ADAM23: variants seen among roughly 807,000 people sequenced by gnomAD.
ADAM23 encodes the protein disintegrin and metalloproteinase domain-containing protein 23.
Under a neutral mutation model 120.1 loss-of-function variants are expected in ADAM23, and 33 were observed. That is an observed-to-expected ratio of 0.27 (90% CI 0.21 to 0.37). The LOEUF is 0.37. ADAM23 is among the 10% of genes least tolerant of loss of function. ADAM23 has a pLI of 1.00. For synonymous variants in ADAM23, 367 were observed against 375.2 expected (o/e 0.98, Z 0.25); for missense variants, 862 against 1,058.2 (o/e 0.81, Z 2.57).
At position 206,508,727 on chromosome 2, in the gene ADAM23, A is replaced by G. The variant is rs543435250; in HGVS notation, c.510-22158A>G. 2.0e-4 allele frequency among the ~76,000 whole-genome samples: 31 copies of G among 152,246 alleles called. No homozygotes were observed. In the South Asian group the frequency reaches 3.1e-3, roughly 15 times the overall value. On this transcript the variant is annotated intron_variant, in intron 3 of 25. Transcript: ENST00000264377. ...GCTTAGTAAAGCCCCCTGCTTTTCA[A>G]ATATCACCTAATGAAGCTAAACATA...
intron 4 of ADAM23, among the ~76,000 whole-genome samples, 175 bp from the exon 5 acceptor site, chr2:206,541,877 A>C (rs1239376175): frequency 6.6e-6 from 1 of 152,224 alleles, no homozygotes; most frequent in Non-Finnish European, 1.5e-5. Context: ...CTTGTTATAA[A>C]AAAGTTGAAA....
At chr2:206,444,545 G>A (rs1008079907) in intron 1 of ADAM23, among the ~76,000 whole-genome samples, 8 of 152,102 alleles carry the variant, frequency 5.3e-5, no homozygotes, top group African/African-American at 1.9e-4. Context: ...CACACTTCGG[G>A]GACCAAAGAA....
intron 3 of ADAM23, among the ~76,000 whole-genome samples, chr2:206,516,849 CTA>C (rs752982155): frequency 4.6e-5 from 7 of 152,030 alleles, no homozygotes; most frequent in Non-Finnish European, 8.8e-5. Flanking sequence ...GGCACCCAAC[CTA>C]CCCTTGTTTG....
chr2:206,460,920 A>G (rs1695403943), intron 2 of ADAM23, among the ~76,000 whole-genome samples: 1 of 152,210 alleles, frequency 6.6e-6, no homozygotes, highest in South Asian at 2.1e-4. Flanking sequence ...TAAATGGTGT[A>G]GGTTAGGAAC....
intron 2 of ADAM23, among the ~76,000 whole-genome samples, chr2:206,469,574 C>T (rs1216515079): frequency 6.6e-6 from 1 of 152,186 alleles, no homozygotes; most frequent in Non-Finnish European, 1.5e-5. Context: ...ACAATAGCTT[C>T]CAGTGAATTT....
chr2:206,603,763 C>T (rs1464905843), intron 24 of ADAM23, among the ~76,000 whole-genome samples: 1 of 152,140 alleles, frequency 6.6e-6, no homozygotes, highest in Non-Finnish European at 1.5e-5. Context: ...ATAGCAAAGA[C>T]AAAAGTCTTT....
At chr2:206,573,773 G>A (rs913588271) in intron 18 of ADAM23, among the ~76,000 whole-genome samples, 6 of 151,944 alleles carry the variant, frequency 3.9e-5, no homozygotes, top group African/African-American at 1.2e-4. Context: ...TTATGATGCC[G>A]TGTTTTAAAC....
At chr2:206,562,063 G>T (rs1212292778) in intron 12 of ADAM23, 140 bp from the exon 13 acceptor site, 1 of 625,278 alleles carries the variant, frequency 1.6e-6, no homozygotes, top group African/African-American at 1.8e-5. Context: ...GAGGAGGTGA[G>T]AAGTAGCATA....
At chr2:206,607,218 A>G (rs560985323) in intron 24 of ADAM23, 18 of 152,330 alleles carry the variant, frequency 1.2e-4, no homozygotes, top group African/African-American at 4.3e-4. Context: ...TAGAAAAGAG[A>G]TTTTGTTTCT....
In ADAM23 at chr2:206,613,072, T is replaced by A. The variant is rs1439996202; in HGVS notation, c.2450+3072T>A. 1.4e-3 allele frequency among the ~76,000 whole-genome samples: 220 copies of A among 152,298 alleles called. 3 individuals carry two copies. The highest frequency in any genetic ancestry group is 5.4e-4 in the Non-Finnish European group (37 of 68,016). ...ACTTTGCTTAATTTCTTTTTCTTTT[T>A]TTTTGAGACAGAGTTTTGCTTTTAT... On this transcript the variant is annotated intron_variant, in intron 25 of 25. Coordinates refer to ENST00000264377, the MANE Select transcript of ADAM23 (RefSeq NM_003812.4).
chr2:206,471,934 A>G (rs1015498728), intron 2 of ADAM23, among the ~76,000 whole-genome samples: 1 of 152,210 alleles, frequency 6.6e-6, no homozygotes, highest in Non-Finnish European at 1.5e-5. Context: ...GTGCTGCTTT[A>G]CCCATTTTAA....
intron 20 of ADAM23, among the ~76,000 whole-genome samples, 155 bp downstream of exon 20, chr2:206,588,309 AC>A (rs1291076188): frequency 6.6e-6 from 1 of 152,220 alleles, no homozygotes; most frequent in African/African-American, 2.4e-5. Context: ...AATCTTAGTC[AC>A]AAAAACTATA....
intron 9 of ADAM23, among the ~76,000 whole-genome samples, chr2:206,557,019 T>G (rs577055083): frequency 6.6e-6 from 1 of 152,322 alleles, no homozygotes; most frequent in African/African-American, 2.4e-5. Flanking sequence ...AACTTACTTT[T>G]TAGGTATAAA....
intron 13 of ADAM23, among the ~76,000 whole-genome samples, chr2:206,564,520 T>A (rs899995777): frequency 6.6e-6 from 1 of 152,224 alleles, no homozygotes; most frequent in South Asian, 2.1e-4. Flanking sequence ...GCAACAGAGC[T>A]TTAAAATTCA....
At chr2:206,543,072 TAG>T (rs1697325350) in intron 5 of ADAM23, among the ~76,000 whole-genome samples, 179 bp from the exon 6 acceptor site, 1 of 152,228 alleles carries the variant, frequency 6.6e-6, no homozygotes, top group African/African-American at 2.4e-5. Flanking sequence ...TGCTGCCTAA[TAG>T]AGTGCTGGGG....
intron 2 of ADAM23, among the ~76,000 whole-genome samples, chr2:206,448,631 A>G (rs1208548426): frequency 6.6e-6 from 1 of 152,158 alleles, no homozygotes; most frequent in Non-Finnish European, 1.5e-5. Context: ...CCCCAAAGAG[A>G]GAGGCAGAAG....
intron 18 of ADAM23, among the ~76,000 whole-genome samples, chr2:206,577,982 G>A (rs1698149904): frequency 6.6e-6 from 1 of 151,934 alleles, no homozygotes; most frequent in African/African-American, 2.4e-5. Flanking sequence ...ATATCTCATT[G>A]TGGTTTTGAT....
At chr2:206,485,114 T>A (rs545138682) in intron 3 of ADAM23, among the ~76,000 whole-genome samples, 19 of 152,348 alleles carry the variant, frequency 1.2e-4, no homozygotes, top group African/African-American at 4.3e-4. Context: ...TCCCCCATGC[T>A]GTCCTGAGCT....
chr2:206,604,062 C>G (rs925931210), intron 24 of ADAM23, among the ~76,000 whole-genome samples: 1 of 151,658 alleles, frequency 6.6e-6, no homozygotes, highest in South Asian at 2.1e-4. Context: ...GTCAGGAGTT[C>G]GAGACCAGCC....
Sources: allele counts gnomAD v4.1 joint callset (sites outside exome capture counted in the v4.1 genomes callset), GRCh38; gene constraint gnomAD v4.1.1; transcripts MANE v1.5; gene names NCBI Gene and HGNC (gene_info 2026-07-23, HGNC 2026-07-21).